Variants in ARHGEF26 observed in about 807,000 individuals in gnomAD.
ARHGEF26 encodes the protein Rho guanine nucleotide exchange factor 26.
Under a neutral mutation model 89.4 loss-of-function variants are expected in ARHGEF26, and 59 were observed. The observed-to-expected ratio is 0.66, with a 90% CI of 0.54 to 0.82. The LOEUF (loss-of-function observed/expected upper bound fraction) is 0.82, where lower values mean the gene tolerates loss of function less well. ARHGEF26 is among the 40% of genes least tolerant of loss of function. The pLI is 0.00. For missense variants in ARHGEF26, 1,234 were observed against 1,085.6 expected, an observed-to-expected ratio of 1.14 and a Z score of -1.92; for synonymous variants, 500 against 428.4, an observed-to-expected ratio of 1.17 and a Z score of -2.06.
At position 154,244,561 on chromosome 3, in the gene ARHGEF26, G is replaced by A. The variant is rs187508262; in HGVS notation, c.2300+3982G>A. On this transcript the variant is annotated intron_variant, in intron 12 of 14. Coordinates refer to ENST00000465093, the MANE Select transcript of ARHGEF26 (RefSeq NM_015595.4). The stretch of plus-strand genomic sequence containing the variant: ...GAATCAGTTGTTCAAGTTTGGGTCC[G>A]TTGTCCTGGTGAAATTATGAATGAT... Among the ~76,000 whole-genome samples, 465 of 152,156 alleles carry A rather than the reference G, an allele frequency of 3.1e-3. 1 individual carries two copies. Among genetic ancestry groups the A allele is most frequent in the African/African-American group, 0.01 (429 of 41,494 alleles).
intron 4 of ARHGEF26, among the ~76,000 whole-genome samples, chr3:154,144,002 G>A (rs1727876): frequency 0.66 from 100,451 of 152,038 alleles, 34,196 homozygotes; most frequent in Non-Finnish European, 0.75. Flanking sequence ...AAGGAAAAGA[G>A]GAATTTGTTT....
At chr3:154,234,440 C>A (rs1194969517) in intron 11 of ARHGEF26, among the ~76,000 whole-genome samples, 1 of 152,182 alleles carries the variant, frequency 6.6e-6, no homozygotes, top group Non-Finnish European at 1.5e-5. Context: ...AGCAGAAAGA[C>A]CTGTCTTGTC....
intron 9 of ARHGEF26, among the ~76,000 whole-genome samples, chr3:154,216,505 T>TA (rs1419133261): frequency 0.011 from 354 of 31,608 alleles, 3 homozygotes; most frequent in African/African-American, 0.027. Context: ...TTTTTTTATT[T>TA]TTTATTTTTT....
Position 154,255,557 on chromosome 3 carries a change from T to TTGTCAC in ARHGEF26, c.*85_*90dup. 1 of 1,510,286 alleles carries TTGTCAC rather than the reference T, an allele frequency of 6.6e-7. No homozygotes were observed. The highest frequency in any genetic ancestry group is 1.4e-5 in the African/African-American group (1 of 71,622). The allele number at this position is 1,510,286 out of a possible 1,614,324, so 93.6% of individuals were successfully genotyped here. A position where few individuals can be genotyped will look rare whatever the true frequency, so the allele number is the denominator to read the frequency against. On this transcript the variant is annotated 3_prime_UTR_variant, in exon 15 of 15. Transcript: ENST00000465093. ...TTCTGGGCTAGTTTTATTGTTAATTTTGTCACAGCCTATTTAATTAAAAGA... is the reference window on the plus strand; with the variant it reads ...TTCTGGGCTAGTTTTATTGTTAATTTTGTCACTGTCACAGCCTATTTAATTAAAAGA...
intron 4 of ARHGEF26, among the ~76,000 whole-genome samples, chr3:154,132,423 GAGGGTTTT>G (rs1173243549): frequency 2.6e-5 from 4 of 151,948 alleles, no homozygotes; most frequent in Non-Finnish European, 5.9e-5. Flanking sequence ...TCCTTCCCAT[GAGGGTTTT>G]CTGTCCACCA....
chr3:154,185,660 C>A (rs979554879), intron 6 of ARHGEF26, among the ~76,000 whole-genome samples: 1 of 152,146 alleles, frequency 6.6e-6, no homozygotes, highest in Admixed American at 6.5e-5. Flanking sequence ...TGTGGAGGCT[C>A]CATTACATAG....
At chr3:154,201,942 C>G (rs1714669403) in intron 9 of ARHGEF26, among the ~76,000 whole-genome samples, 1 of 151,304 alleles carries the variant, frequency 6.6e-6, no homozygotes, top group African/African-American at 2.4e-5. Flanking sequence ...AATTTTCTCC[C>G]ATTTTGTAGG....
chr3:154,149,034 T>C (rs1272332180), intron 4 of ARHGEF26, among the ~76,000 whole-genome samples: 1 of 152,178 alleles, frequency 6.6e-6, no homozygotes, highest in Non-Finnish European at 1.5e-5. Context: ...GGAGTTGGAC[T>C]GGCGTCGATG....
intron 4 of ARHGEF26, among the ~76,000 whole-genome samples, chr3:154,143,812 A>G (rs997985414): frequency 3.1e-4 from 47 of 152,124 alleles, no homozygotes; most frequent in Middle Eastern, 3.2e-3. Flanking sequence ...ATTCCCTTTC[A>G]TCCTTGTTAC....
chr3:154,121,885 C>A, intron 1 of ARHGEF26, 57 bp from the exon 2 acceptor site: 2 of 1,428,910 alleles, frequency 1.4e-6, no homozygotes, highest in South Asian at 3.0e-5. Context: ...GCACGCGAGT[C>A]GGCCAGGCGT....
chr3:154,159,264 G>C (rs938278496), intron 6 of ARHGEF26, among the ~76,000 whole-genome samples: 2 of 151,994 alleles, frequency 1.3e-5, no homozygotes, highest in Non-Finnish European at 2.9e-5. Context: ...TGCTACTGAA[G>C]ACCTTTGCAA....
chr3:154,122,139 G>T lies in ARHGEF26; in HGVS notation c.147G>T (p.Thr49=). 1 of 1,603,698 alleles carries T rather than the reference G, an allele frequency of 6.2e-7. No individual in the cohort carries two copies. Among genetic ancestry groups the T allele is most frequent in the South Asian group, 1.1e-5 (1 of 89,502 alleles). ...SYQSPNGLLI[T]DFPVEDGGTL... is the part of the protein sequence containing the mutation. Reference sequence around the variant, plus strand: ...AGAGCCCCAACGGGTTACTAATTACGGATTTCCCGGTGGAGGACGGAGGGA... The same window carrying T: ...AGAGCCCCAACGGGTTACTAATTACTGATTTCCCGGTGGAGGACGGAGGGA... The change falls in exon 2 of 15, where the codon ACG becomes ACT. Residue 49 remains threonine (T), a synonymous_variant. Coordinates refer to ENST00000465093, the MANE Select transcript of ARHGEF26 (RefSeq NM_015595.4).
chr3:154,201,165 C>A (rs555959101), intron 9 of ARHGEF26, among the ~76,000 whole-genome samples: 1 of 151,038 alleles, frequency 6.6e-6, no homozygotes, highest in African/African-American at 2.4e-5. Flanking sequence ...CCCCCGACCC[C>A]ACCACAGGCC....
At chr3:154,160,900 T>C (rs1711614878) in intron 6 of ARHGEF26, among the ~76,000 whole-genome samples, 1 of 152,134 alleles carries the variant, frequency 6.6e-6, no homozygotes, top group South Asian at 2.1e-4. Flanking sequence ...AGTAGTCAGA[T>C]CCTAGATCCC....
intron 9 of ARHGEF26, among the ~76,000 whole-genome samples, chr3:154,199,284 T>A (rs188182031): frequency 1.4e-4 from 21 of 152,178 alleles, no homozygotes; most frequent in Non-Finnish European, 2.6e-4. Context: ...TTAAAAAAAA[T>A]TTTTAAATCC....
chr3:154,255,899 G>A lies in ARHGEF26; in HGVS notation c.*426G>A. The A allele has an allele frequency of 1.0e-6, 1 of 989,766 alleles. No individual in the cohort carries two copies. The highest frequency in any genetic ancestry group is 1.2e-6 in the Non-Finnish European group (1 of 832,886). The allele number at this position is 989,766 out of a possible 1,614,324, so 61.3% of individuals were successfully genotyped here. On this transcript the variant is annotated 3_prime_UTR_variant, in exon 15 of 15. Transcript: ENST00000465093. ...GCAAGATTGTATATCTGTAAAGAAT[G>A]TCCAGTTTTGTAAATATTTCCCTGC... is the stretch of plus-strand genomic sequence containing the variant.
intron 4 of ARHGEF26, among the ~76,000 whole-genome samples, chr3:154,139,973 A>C (rs1200529715): frequency 6.6e-6 from 1 of 152,246 alleles, no homozygotes; most frequent in Non-Finnish European, 1.5e-5. Flanking sequence ...AAGCCTATCC[A>C]ACTATAATAA....
At chr3:154,220,612 C>G (rs1164079364) in intron 10 of ARHGEF26, among the ~76,000 whole-genome samples, 1 of 152,106 alleles carries the variant, frequency 6.6e-6, no homozygotes, top group Non-Finnish European at 1.5e-5. Context: ...GGTGGAGCTA[C>G]AGTAGCAGGC....
At position 154,122,398 on chromosome 3, in the gene ARHGEF26, C is replaced by A. The variant is rs1331408967; in HGVS notation, c.406C>A (p.Pro136Thr). The A allele has an allele frequency of 1.2e-6, 2 of 1,609,912 alleles. No individual in the cohort carries two copies. The highest frequency in any genetic ancestry group is 2.2e-5 in the East Asian group (1 of 44,830). ...KSPANGAVTL[P>T]APPPPPVLRP... ...CCCAGCAAATGGCGCGGTGACCTTG[C>A]CTGCGCCGCCGCCGCCGCCGGTTCT... The change falls in exon 2 of 15, where the codon CCT becomes ACT. Residue 136 changes from proline to threonine, a missense_variant. Coordinates refer to ENST00000465093, the MANE Select transcript of ARHGEF26 (RefSeq NM_015595.4).
Sources: allele counts gnomAD v4.1 joint callset (sites outside exome capture counted in the v4.1 genomes callset), GRCh38; gene constraint gnomAD v4.1.1; transcripts MANE v1.5; gene names NCBI Gene and HGNC (gene_info 2026-07-23, HGNC 2026-07-21).